The following CPED1 variants were observed in gnomAD, a reference collection of about 807,000 sequenced individuals.
The protein encoded by CPED1 is cadherin like and PC-esterase domain containing 1.
CPED1 carries 114 observed loss-of-function variants against 128.2 expected under a neutral mutation model. That is an observed-to-expected ratio of 0.89 (90% CI 0.76 to 1.04). The LOEUF (loss-of-function observed/expected upper bound fraction) is 1.04. CPED1 is among the 50% of genes least tolerant of loss of function. The pLI is 0.00. For missense variants in CPED1, 1,211 were observed against 1,207.1 expected, an observed-to-expected ratio of 1.00 and a Z score of -0.05; for synonymous variants, 462 against 426.7, an observed-to-expected ratio of 1.08 and a Z score of -1.02.
At chr7:121,093,662 T>C (rs955806662) in intron 5 of CPED1, among the ~76,000 whole-genome samples, 5 of 152,156 alleles carry the variant, frequency 3.3e-5, no homozygotes, top group Admixed American at 1.3e-4. Flanking sequence ...GAATATTTGT[T>C]GCCAGGCTCC....
chr7:121,098,413 C>T (rs1794752758), intron 6 of CPED1, among the ~76,000 whole-genome samples: 2 of 152,020 alleles, frequency 1.3e-5, no homozygotes, highest in Admixed American at 6.6e-5. Flanking sequence ...GAATCATATG[C>T]ATCTTGTGCC....
chr7:121,088,268 T>C (rs1412435769), intron 5 of CPED1, among the ~76,000 whole-genome samples: 1 of 152,150 alleles, frequency 6.6e-6, no homozygotes, highest in East Asian at 1.9e-4. Context: ...TGAAAAATAA[T>C]TCATACGTAT....
At chr7:121,059,831 G>A (rs936468574) in intron 4 of CPED1, among the ~76,000 whole-genome samples, 4 of 152,194 alleles carry the variant, frequency 2.6e-5, no homozygotes, top group Non-Finnish European at 5.9e-5. Flanking sequence ...GCCTTCGCTC[G>A]CTCTCGGCGC....
chr7:120,999,586 G>A (rs1477574350), intron 2 of CPED1, among the ~76,000 whole-genome samples: 1 of 152,042 alleles, frequency 6.6e-6, no homozygotes, highest in Non-Finnish European at 1.5e-5. Flanking sequence ...TAACTGGATT[G>A]GAAGATGTAG....
intron 12 of CPED1, among the ~76,000 whole-genome samples, chr7:121,133,572 G>C (rs999737718): frequency 6.6e-6 from 1 of 152,038 alleles, no homozygotes; most frequent in South Asian, 2.1e-4. Context: ...AGATTCCTCA[G>C]ATTTGGACTG....
chr7:121,060,309 C>G (rs1419293983), intron 4 of CPED1, among the ~76,000 whole-genome samples: 1 of 152,254 alleles, frequency 6.6e-6, no homozygotes, highest in Non-Finnish European at 1.5e-5. Flanking sequence ...CACCCAAGGG[C>G]TGAGGAGTGC....
intron 16 of CPED1, among the ~76,000 whole-genome samples, chr7:121,197,557 C>T (rs1056259322): frequency 2.0e-5 from 3 of 152,066 alleles, no homozygotes; most frequent in African/African-American, 7.2e-5. Flanking sequence ...CCATGTTAAA[C>T]AGCTAGTAAT....
In CPED1 at chr7:121,045,583, T is replaced by G. The variant is rs1793175386; in HGVS notation, c.434-1304T>G. Among the ~76,000 whole-genome samples the G allele has an allele frequency of 2.6e-5, 4 of 152,210 alleles. No homozygotes were observed. The South Asian group carries it at 8.3e-4, about 32-fold the overall frequency. On this transcript the variant is annotated intron_variant, in intron 3 of 22. Transcript: ENST00000310396. ...AAGTGAGAAATTCTTTTGAAAAATTTGAAAAGCGAGGTATTTAAAGAAGTT... is the reference window on the plus strand; with the variant it reads ...AAGTGAGAAATTCTTTTGAAAAATTGGAAAAGCGAGGTATTTAAAGAAGTT...
chr7:121,103,671 T>TTG (rs142776626), intron 7 of CPED1, among the ~76,000 whole-genome samples: 31 of 151,394 alleles, frequency 2.0e-4, no homozygotes, highest in South Asian at 6.3e-4. Context: ...AAACATAATT[T>TTG]TGTGTGTGTG....
At chr7:121,176,762 G>A (rs1796789077) in intron 16 of CPED1, among the ~76,000 whole-genome samples, 1 of 152,052 alleles carries the variant, frequency 6.6e-6, no homozygotes, top group Non-Finnish European at 1.5e-5. Context: ...TAGAGGCAGT[G>A]GAAAGAGCTG....
At chr7:121,156,259 C>T (rs922255539) in intron 16 of CPED1, among the ~76,000 whole-genome samples, 6 of 152,064 alleles carry the variant, frequency 3.9e-5, no homozygotes, top group Non-Finnish European at 2.9e-5. Context: ...TTAGAACAGC[C>T]GCTATGGAGA....
intron 22 of CPED1, among the ~76,000 whole-genome samples, chr7:121,275,793 T>C (rs1020620699): frequency 6.6e-6 from 1 of 151,986 alleles, no homozygotes; most frequent in South Asian, 2.1e-4. Flanking sequence ...TTTAACCCTA[T>C]AATCTTTATT....
At chr7:121,025,199 G>A (rs1034100012) in intron 3 of CPED1, among the ~76,000 whole-genome samples, 1 of 151,758 alleles carries the variant, frequency 6.6e-6, no homozygotes, top group African/African-American at 2.4e-5. Flanking sequence ...CTGTCTCTTG[G>A]TGGACTTACA....
At position 120,989,704 on chromosome 7, in the gene CPED1, T is replaced by C; in HGVS notation, c.83T>C (p.Leu28Pro). The part of the protein sequence containing the change: ...FLVGLVVAIC[L>P]FYQTLTLRGS... ...GTGGGCTTAGTGGTGGCAATCTGTCTCTTCTACCAGACTCTGACCCTCCGA... is the reference window on the plus strand; with the variant it reads ...GTGGGCTTAGTGGTGGCAATCTGTCCCTTCTACCAGACTCTGACCCTCCGA... Residue 28 changes from leucine to proline, a missense_variant, in exon 2 of 23, where the codon CTC becomes CCC. Leu to Pro is a moderately conservative substitution (Grantham distance 98, BLOSUM62 -3). Coordinates refer to ENST00000310396, the MANE Select transcript of CPED1 (RefSeq NM_024913.5). 6.2e-7 allele frequency: 1 copy of C among 1,613,958 alleles called. No homozygotes were observed. Among genetic ancestry groups the C allele is most frequent in the South Asian group, 1.1e-5 (1 of 91,058 alleles).
intron 3 of CPED1, among the ~76,000 whole-genome samples, chr7:121,019,772 T>C (rs1351974687): frequency 6.6e-6 from 1 of 151,928 alleles, no homozygotes; most frequent in Non-Finnish European, 1.5e-5. Flanking sequence ...TTTGGAAAAA[T>C]ATATCTTATG....
chr7:121,066,769 G>A (rs1216484968), intron 5 of CPED1, among the ~76,000 whole-genome samples: 1 of 152,040 alleles, frequency 6.6e-6, no homozygotes, highest in African/African-American at 2.4e-5. Flanking sequence ...AAGGCTGTTG[G>A]CCCTCTGTAT....
At chr7:121,007,291 C>T (rs1344745616) in intron 2 of CPED1, among the ~76,000 whole-genome samples, 2 of 138,848 alleles carry the variant, frequency 1.4e-5, no homozygotes, top group African/African-American at 5.3e-5. Flanking sequence ...TCTCTCCTCT[C>T]TTCTTCCTTC....
At chr7:121,026,221 T>C (rs1792577830) in intron 3 of CPED1, among the ~76,000 whole-genome samples, 1 of 152,186 alleles carries the variant, frequency 6.6e-6, no homozygotes, top group Non-Finnish European at 1.5e-5. Context: ...AGGACTTGCT[T>C]ACTTAGGTGA....
intron 16 of CPED1, among the ~76,000 whole-genome samples, chr7:121,197,892 C>G (rs1797306714): frequency 6.6e-6 from 1 of 152,012 alleles, no homozygotes; most frequent in South Asian, 2.1e-4. Flanking sequence ...GATGGTAAGG[C>G]CAAGCTAGTA....
Sources: gnomAD v4.1 joint callset for allele counts (sites outside exome capture counted in the v4.1 genomes callset) on GRCh38, gnomAD v4.1.1 for gene constraint, MANE v1.5 for transcripts, NCBI Gene and HGNC (gene_info 2026-07-23, HGNC 2026-07-21) for gene names.